DOCK5: variants seen among roughly 807,000 people sequenced by gnomAD.
DOCK5 encodes dedicator of cytokinesis protein 5.
DOCK5 carries 142 observed loss-of-function variants against 251.8 expected under a neutral mutation model. The ratio of observed to expected loss-of-function variants is 0.56; its 90% CI spans 0.49 to 0.65. DOCK5 has a LOEUF of 0.65. DOCK5 is among the 30% of genes least tolerant of loss of function. The probability of loss-of-function intolerance (pLI) is 0.00; values close to 1 mark genes in which losing one functional copy is unlikely to be tolerated. For missense variants in DOCK5, 2,111 were observed against 2,312.3 expected, an observed-to-expected ratio of 0.91 and a Z score of 1.79; for synonymous variants, 842 against 835.5, an observed-to-expected ratio of 1.01 and a Z score of -0.13.
intron 1 of DOCK5, among the ~76,000 whole-genome samples, chr8:25,242,101 A>G (rs752074606): frequency 6.6e-6 from 1 of 152,094 alleles, no homozygotes; most frequent in Non-Finnish European, 1.5e-5. Context: ...GTGTATACCT[A>G]TGTAACAAAC....
At position 25,368,208 on chromosome 8, in the gene DOCK5, A is replaced by G; in HGVS notation, c.3241A>G (p.Lys1081Glu). Residue 1081 changes from lysine (K) to glutamate (E), a missense_variant, in exon 32 of 52, where the codon AAG becomes GAG. Transcript: ENST00000276440. ...KIVKKYGDMRKEIGFRIRDMW... is the reference protein window; with the variant it reads ...KIVKKYGDMREEIGFRIRDMW... ...TCTTCCTAGATATGGGGACATGAGA[A>G]AGGAAATCGGCTTTAGAATCCGGGA... The G allele has an allele frequency of 1.9e-6, 3 of 1,612,734 alleles. No individual in the cohort carries two copies. The highest frequency in any genetic ancestry group is 2.5e-6 in the Non-Finnish European group (3 of 1,179,340).
At chr8:25,309,839 G>C (rs2117180962) in intron 12 of DOCK5, among the ~76,000 whole-genome samples, 1 of 152,008 alleles carries the variant, frequency 6.6e-6, no homozygotes, top group Non-Finnish European at 1.5e-5. Context: ...AAAAAAGAAA[G>C]AAAGACAGAA....
intron 1 of DOCK5, among the ~76,000 whole-genome samples, chr8:25,192,319 A>G (rs1421201369): frequency 6.6e-6 from 1 of 152,090 alleles, no homozygotes; most frequent in African/African-American, 2.4e-5. Context: ...TGGTATTTCT[A>G]GTTCTAGATA....
intron 37 of DOCK5, 22 bp from the exon 38 acceptor site, chr8:25,377,279 CGTGT>C: frequency 1.3e-6 from 2 of 1,593,356 alleles, no homozygotes; most frequent in Non-Finnish European, 1.7e-6. Flanking sequence ...TTGTATTAAC[CGTGT>C]GTCGCTTTTC....
chr8:25,350,795 C>T lies in DOCK5; in HGVS notation c.2755-936C>T, dbSNP rs78616523. ...ACTCATTTACTAAGAGCATTTATCC[C>T]GTCAGTCCAGGGCCCCACCCTCATG... On this transcript the variant is annotated intron_variant, in intron 26 of 51. Transcript: ENST00000276440. Among the ~76,000 whole-genome samples, 728 of 152,222 alleles carry T rather than the reference C, an allele frequency of 4.8e-3. 42 individuals are homozygous for T. The East Asian group carries it at 0.12, about 26-fold the overall frequency.
rs540816183 is a variant in DOCK5 at position 25,334,923 on chromosome 8, C to T, written c.2192+727C>T. Reference sequence around the variant, plus strand: ...TTGCTTACAGGATATGAGAAGATTTCGTTTTCCCATCTTTTGCATAAGAGG... The same window carrying T: ...TTGCTTACAGGATATGAGAAGATTTTGTTTTCCCATCTTTTGCATAAGAGG... On this transcript the variant is annotated intron_variant, in intron 21 of 51. Transcript: ENST00000276440. Among the ~76,000 whole-genome samples the T allele has an allele frequency of 4.6e-5, 7 of 152,268 alleles. No individual in the cohort carries two copies. The South Asian group carries it at 8.3e-4, about 18-fold the overall frequency.
chr8:25,238,543 CT>C (rs1180368040), intron 1 of DOCK5, among the ~76,000 whole-genome samples: 2 of 152,206 alleles, frequency 1.3e-5, no homozygotes, highest in African/African-American at 2.4e-5. Context: ...TAAGCGGTGA[CT>C]TTTCATTCCA....
At chr8:25,398,656 G>A (rs1174323310) in intron 45 of DOCK5, among the ~76,000 whole-genome samples, 6 of 152,066 alleles carry the variant, frequency 3.9e-5, no homozygotes, top group Non-Finnish European at 5.9e-5. Flanking sequence ...ATGTCTTGTC[G>A]ATGGCCATCT....
At chr8:25,394,181 C>G (rs1480791716) in intron 44 of DOCK5, among the ~76,000 whole-genome samples, 3 of 152,138 alleles carry the variant, frequency 2.0e-5, no homozygotes, top group Non-Finnish European at 4.4e-5. Context: ...TGAATAATTG[C>G]ACTACTGCAG....
chr8:25,272,366 A>AC (rs1202335434), intron 3 of DOCK5, among the ~76,000 whole-genome samples: 1 of 152,174 alleles, frequency 6.6e-6, no homozygotes, highest in East Asian at 1.9e-4. Flanking sequence ...TCATGTCTGA[A>AC]CATCCAGTGT....
At chr8:25,392,112 G>T in intron 43 of DOCK5, 132 bp downstream of exon 43, 1 of 817,670 alleles carries the variant, frequency 1.2e-6, no homozygotes, top group Non-Finnish European at 1.9e-6. Context: ...GACCATCCTG[G>T]CTAATACGGT....
At chr8:25,246,704 T>TCGTGTGTGTGTGTGTGTG (rs1414412892) in intron 2 of DOCK5, among the ~76,000 whole-genome samples, 4 of 89,576 alleles carry the variant, frequency 4.5e-5, no homozygotes, top group African/African-American at 1.6e-4. Flanking sequence ...CCATGTTAGT[T>TCGTGTGTGTGTGTGTGTG]TGTGTGTGTG....
chr8:25,185,784 TC>T (rs1339763920), intron 1 of DOCK5, among the ~76,000 whole-genome samples: 1 of 152,156 alleles, frequency 6.6e-6, no homozygotes, highest in East Asian at 1.9e-4. Context: ...GTGCTTTGGC[TC>T]CGAAACAATA....
intron 48 of DOCK5, among the ~76,000 whole-genome samples, chr8:25,404,323 T>G (rs1302349394): frequency 6.6e-6 from 1 of 152,228 alleles, no homozygotes; most frequent in African/African-American, 2.4e-5. Context: ...AAGCCCCCTC[T>G]TTATGCTTTC....
intron 16 of DOCK5, among the ~76,000 whole-genome samples, chr8:25,323,327 A>C (rs1003657775): frequency 2.6e-5 from 4 of 152,234 alleles, no homozygotes; most frequent in Non-Finnish European, 5.9e-5. Context: ...TTTTAGAGCA[A>C]CATAAATTGA....
intron 1 of DOCK5, among the ~76,000 whole-genome samples, chr8:25,216,005 A>C (rs1456981078): frequency 1.3e-5 from 2 of 151,672 alleles, no homozygotes; most frequent in East Asian, 3.9e-4. Context: ...TGCATACAGT[A>C]TGTATATATG....
Position 25,412,180 on chromosome 8 carries a change from A to G in DOCK5, c.*882A>G, listed in dbSNP as rs1586407420. ...TGGATTCAGCAGTTTCTTTTCTAAA[A>G]CCCATTTGGGTGACTCAGCAGCCGC... On this transcript the variant is annotated 3_prime_UTR_variant, in exon 52 of 52. Transcript: ENST00000276440. 1 of 147,722 alleles carries G rather than the reference A, an allele frequency of 6.8e-6. No homozygotes were observed. Among genetic ancestry groups the G allele is most frequent in the Admixed American group, 6.9e-5 (1 of 14,576 alleles). The allele number at this position is 147,722 out of a possible 1,614,324, so 9.2% of individuals were successfully genotyped here.
rs902541408 is a variant in DOCK5 at position 25,411,353 on chromosome 8, T to G, written c.*55T>G. On this transcript the variant is annotated 3_prime_UTR_variant, in exon 52 of 52. Coordinates refer to ENST00000276440, the MANE Select transcript of DOCK5 (RefSeq NM_024940.8). ...CCTTAGACAGCTGCTGCCTGAGAAC[T>G]GGCCTCCAGCCGGTGTCCTCATTCC... The G allele has an allele frequency of 2.2e-6, 3 of 1,377,876 alleles. No homozygotes were observed. Among genetic ancestry groups the G allele is most frequent in the African/African-American group, 1.5e-5 (1 of 65,536 alleles). The allele number at this position is 1,377,876 out of a possible 1,614,324, so 85.4% of individuals were successfully genotyped here. A position where few individuals can be genotyped will look rare whatever the true frequency, so the allele number is the denominator to read the frequency against.
At position 25,406,773 on chromosome 8, in the gene DOCK5, G is replaced by A. The variant is rs1417558141; in HGVS notation, c.5094-1210G>A. Reference sequence around the variant, plus strand: ...CTCTTGAGTAGCTGGGACTACAGGCGCCCACCACCACGCCTGGTGAAGTTT... The same window carrying A: ...CTCTTGAGTAGCTGGGACTACAGGCACCCACCACCACGCCTGGTGAAGTTT... On this transcript the variant is annotated intron_variant, in intron 48 of 51. Transcript: ENST00000276440. Among the ~76,000 whole-genome samples, 5 of 151,884 alleles carry A rather than the reference G, an allele frequency of 3.3e-5. No homozygotes were observed. In the East Asian group the frequency reaches 5.8e-4, roughly 18 times the overall value.
Sources: gnomAD v4.1 joint callset for allele counts (sites outside exome capture counted in the v4.1 genomes callset) on GRCh38, gnomAD v4.1.1 for gene constraint, MANE v1.5 for transcripts, NCBI Gene and HGNC (gene_info 2026-07-23, HGNC 2026-07-21) for gene names.